Variants in MAP7 observed in about 807,000 individuals in gnomAD.
MAP7 encodes microtubule associated protein 7.
A neutral mutation model predicts 94.8 loss-of-function variants in MAP7; 52 were observed. That is an observed-to-expected ratio of 0.55 (90% confidence interval 0.44 to 0.69). The LOEUF (loss-of-function observed/expected upper bound fraction) is 0.69. Among genes scored for constraint, MAP7 ranks in the 30% least tolerant of loss-of-function variants. MAP7 has a pLI of 0.00. For synonymous variants in MAP7, 350 were observed against 357.0 expected (o/e 0.98, Z 0.22); for missense variants, 940 against 964.6 (o/e 0.97, Z 0.34).
chr6:136,377,806 G>A lies in MAP7; in HGVS notation c.700C>T (p.His234Tyr), dbSNP rs200010762. 215 of 1,614,046 alleles carry A rather than the reference G, an allele frequency of 1.3e-4. No homozygotes were observed. Among genetic ancestry groups the A allele is most frequent in the Non-Finnish European group, 1.7e-4 (205 of 1,180,020 alleles). ...SVVNRLLTPT[H>Y]SFLARSKSTA... ...CTTTTACTTCTGGCCAGGAACGAAT[G>A]TGTGGGCGTCAGGAGTCTGTTAACA... Residue 234 changes from histidine to tyrosine, a missense_variant, in exon 7 of 18, where the codon CAT (histidine) becomes TAT (tyrosine). His to Tyr is a moderately conservative substitution (Grantham distance 83). Transcript: ENST00000354570.
At chr6:136,513,457 G>A (rs180935235) in intron 1 of MAP7, among the ~76,000 whole-genome samples, 1 of 152,264 alleles carries the variant, frequency 6.6e-6, no homozygotes, top group African/African-American at 2.4e-5. Context: ...TCATGGAATC[G>A]CAGCAATTCA....
At chr6:136,493,558 G>A (rs916478813) in intron 1 of MAP7, among the ~76,000 whole-genome samples, 1 of 152,162 alleles carries the variant, frequency 6.6e-6, no homozygotes, top group East Asian at 1.9e-4. Context: ...GGGGCTACAG[G>A]AGCGCACTTG....
At chr6:136,352,635 G>A (rs888076415) in intron 16 of MAP7, among the ~76,000 whole-genome samples, 3 of 151,784 alleles carry the variant, frequency 2.0e-5, no homozygotes, top group East Asian at 1.9e-4. Flanking sequence ...AATTTTCTCC[G>A]GTTTAAATCT....
intron 15 of MAP7, among the ~76,000 whole-genome samples, chr6:136,358,974 T>C (rs1791756289): frequency 6.6e-6 from 1 of 152,222 alleles, no homozygotes; most frequent in Non-Finnish European, 1.5e-5. Context: ...TAACACGGCC[T>C]GGCACATAGA....
chr6:136,407,386 T>C lies in MAP7; in HGVS notation c.244+4234A>G, dbSNP rs536613566. On this transcript the variant is annotated intron_variant, in intron 3 of 17. Coordinates refer to ENST00000354570, the MANE Select transcript of MAP7 (RefSeq NM_003980.6). ...TGATAGTTATGCAAGATATAGTATA[T>C]AGTGAAAGGATGATAAATTTCTAAA... Among the ~76,000 whole-genome samples, 33 of 152,270 alleles carry C rather than the reference T, an allele frequency of 2.2e-4. No individual in the cohort carries two copies. The East Asian group carries it at 5.4e-3, about 25-fold the overall frequency.
At chr6:136,449,345 G>A (rs1448726160) in intron 1 of MAP7, among the ~76,000 whole-genome samples, 1 of 152,050 alleles carries the variant, frequency 6.6e-6, no homozygotes. Context: ...AAAATGTAAG[G>A]CAATTTAAAT....
At position 136,398,091 on chromosome 6, in the gene MAP7, G is replaced by A. The variant is rs1783021794; in HGVS notation, c.245-8574C>T. Among the ~76,000 whole-genome samples the A allele has an allele frequency of 2.6e-5, 4 of 152,240 alleles. No individual in the cohort carries two copies. In the South Asian group the frequency reaches 8.3e-4, roughly 32 times the overall value. On this transcript the variant is annotated intron_variant, in intron 3 of 17. Transcript: ENST00000354570. ...CAATATATCAGTACCATACAAAGGA[G>A]AAATCCACTATCAATCTAGACTCCA... is the stretch of plus-strand genomic sequence containing the variant.
chr6:136,428,774 T>C (rs919552296), intron 1 of MAP7, among the ~76,000 whole-genome samples: 1 of 152,168 alleles, frequency 6.6e-6, no homozygotes, highest in Non-Finnish European at 1.5e-5. Context: ...CAGTCATTGA[T>C]ATCTGGCCAG....
At chr6:136,499,644 C>T (rs1433418857) in intron 1 of MAP7, among the ~76,000 whole-genome samples, 1 of 152,066 alleles carries the variant, frequency 6.6e-6, no homozygotes, top group African/African-American at 2.4e-5. Context: ...GGCTTCCGGG[C>T]CACAAGTATG....
In MAP7 at chr6:136,381,877, T is replaced by TACACACACACACACACAC. The variant is rs1156527948; in HGVS notation, c.637+1776_637+1793dup. ...CTCTACTCCTTACCACTTCTAACCT[T>TACACACACACACACACAC]ACACACACACACACACACACACACA... On this transcript the variant is annotated intron_variant, in intron 6 of 17. Transcript: ENST00000354570. Among the ~76,000 whole-genome samples the TACACACACACACACACAC allele has an allele frequency of 1.8e-3, 167 of 92,992 alleles. 5 individuals carry two copies. The highest frequency in any genetic ancestry group is 0.015 in the East Asian group (47 of 3,238). The allele number at this position is 92,992 out of a possible 152,430, so 61.0% of individuals were successfully genotyped here.
intron 1 of MAP7, chr6:136,545,453 C>T: frequency 6.6e-6 from 1 of 152,230 alleles, no homozygotes; most frequent in East Asian, 1.9e-4. Context: ...ACAGAACTAC[C>T]TGATTATTCC....
rs2129064747 is a variant in MAP7 at position 136,550,109 on chromosome 6, G to A, written c.67+233C>T. ...GGAAAGTCGCGGTGGAGCGCCCGAG[G>A]GCGGCCGCAACCCCGGCCGGGGCCG... On this transcript the variant is annotated intron_variant, in intron 1 of 17. Coordinates refer to ENST00000354570, the MANE Select transcript of MAP7 (RefSeq NM_003980.6). This position sits in a 1 kb window ranked among gnomAD's most constrained non-coding sequence, Gnocchi z 5.1. 6.6e-6 allele frequency among the ~76,000 whole-genome samples: 1 copy of A among 151,166 alleles called. No homozygotes were observed.
chr6:136,511,553 G>T (rs1282906616), intron 1 of MAP7, among the ~76,000 whole-genome samples: 1 of 152,166 alleles, frequency 6.6e-6, no homozygotes, highest in Non-Finnish European at 1.5e-5. Flanking sequence ...AATTTGTGAG[G>T]GTGGCTTAAT....
intron 16 of MAP7, among the ~76,000 whole-genome samples, chr6:136,347,981 A>G (rs9402802): frequency 0.047 from 7,163 of 151,398 alleles, 353 homozygotes; most frequent in African/African-American, 0.12. Flanking sequence ...ATAAGTCTCC[A>G]CAAGAGTACA....
intron 10 of MAP7, chr6:136,364,595 A>G (rs1277527759): frequency 5.0e-6 from 1 of 198,888 alleles, no homozygotes; most frequent in Non-Finnish European, 1.0e-5. Context: ...TCTACTTAAC[A>G]GAATGTGGCA....
chr6:136,417,101 G>A (rs551119369), intron 2 of MAP7, among the ~76,000 whole-genome samples: 50 of 152,124 alleles, frequency 3.3e-4, no homozygotes, highest in Non-Finnish European at 5.9e-4. Flanking sequence ...CCTGGGCGAC[G>A]GAGTGAGACC....
rs181927807 is a variant in MAP7 at position 136,367,963 on chromosome 6, G to A, written c.877-1524C>T. The stretch of plus-strand genomic sequence containing the variant: ...ATGTAAATGGGAAAAAGACTCAAGA[G>A]GGACAATTTTTGATGTGGCGTGGGG... On this transcript the variant is annotated intron_variant, in intron 8 of 17. Transcript: ENST00000354570. Among the ~76,000 whole-genome samples the A allele has an allele frequency of 3.0e-4, 45 of 152,230 alleles. No homozygotes were observed. In the East Asian group the frequency reaches 8.7e-3, roughly 29 times the overall value.
intron 3 of MAP7, among the ~76,000 whole-genome samples, chr6:136,398,644 T>G (rs2128700420): frequency 6.6e-6 from 1 of 152,304 alleles, no homozygotes; most frequent in African/African-American, 2.4e-5. Context: ...TTTTTCATCT[T>G]CCTCATTTGC....
At chr6:136,520,029 C>A (rs904289623) in intron 1 of MAP7, among the ~76,000 whole-genome samples, 1 of 151,552 alleles carries the variant, frequency 6.6e-6, no homozygotes, top group Non-Finnish European at 1.5e-5. Context: ...TGAGACCCCA[C>A]CTCTACAAAA....
Sources: gnomAD v4.1 joint callset for allele counts (sites outside exome capture counted in the v4.1 genomes callset) on GRCh38, gnomAD v4.1.1 for gene constraint, Gnocchi (gnomAD v3.1) non-coding constraint, MANE v1.5 for transcripts, NCBI Gene and HGNC (gene_info 2026-07-23, HGNC 2026-07-21) for gene names.